BBOF1: variants seen among roughly 807,000 people sequenced by gnomAD.
BBOF1 encodes the protein basal body orientation factor 1, also known as basal body-orientation factor 1.
A neutral mutation model predicts 68.0 loss-of-function variants in BBOF1; 62 were observed. The observed-to-expected ratio is 0.91, with a 90% CI of 0.74 to 1.13. BBOF1 has a LOEUF of 1.13. BBOF1 is among the 50% of genes most tolerant of loss of function. The probability of loss-of-function intolerance (pLI) is 0.00; values close to 1 mark genes in which losing one functional copy is unlikely to be tolerated. For missense variants in BBOF1, 534 were observed against 600.1 expected (o/e 0.89, Z 1.15); for synonymous variants, 208 against 198.8 (o/e 1.05, Z -0.39).
chr14:74,077,840 A>G (rs1595133045), intron 9 of BBOF1, among the ~76,000 whole-genome samples: 1 of 152,216 alleles, frequency 6.6e-6, no homozygotes, highest in African/African-American at 2.4e-5. Flanking sequence ...TTGACACTGC[A>G]TCTGTCTTGT....
rs76405467 is a variant in BBOF1 at position 74,071,681 on chromosome 14, G to A, written n.1380-6515G>A. ...ATTCTCTGAATGGGAAAAATACAGC[G>A]ATATGTATATACCCACTGGAAGATC... On this transcript the variant is annotated intron_variant and non_coding_transcript_variant, in intron 9 of 12. Coordinates refer to the BBOF1 transcript ENST00000492026. The A allele has an allele frequency of 1.6e-3, 2,351 of 1,505,972 alleles. 5 individuals are homozygous for A. Among genetic ancestry groups the A allele is most frequent in the Middle Eastern group, 5.0e-3 (21 of 4,198 alleles). 93.3% of individuals were successfully genotyped at this position (1,505,972 alleles called of 1,614,324 possible).
At chr14:74,063,636 C>G (rs1232889062) in intron 11 of BBOF1, among the ~76,000 whole-genome samples, 1 of 151,624 alleles carries the variant, frequency 6.6e-6, no homozygotes, top group Non-Finnish European at 1.5e-5. Context: ...GAGGCTGAGG[C>G]AGGCGGATCA....
intron 11 of BBOF1, chr14:74,058,735 G>A (rs897086056): frequency 1.3e-5 from 2 of 152,182 alleles, no homozygotes; most frequent in Admixed American, 1.3e-4. Context: ...AATCCATTCT[G>A]TTCAGCACAT....
intron 9 of BBOF1, chr14:74,072,067 C>T: frequency 6.4e-7 from 1 of 1,558,510 alleles, no homozygotes; most frequent in Non-Finnish European, 8.8e-7. Flanking sequence ...GGAGGAGATG[C>T]AGTACAAGGG....
downstream of BBOF1, chr14:74,067,590 C>A (rs2060487893): frequency 6.2e-7 from 1 of 1,613,030 alleles, no homozygotes; most frequent in Non-Finnish European, 8.5e-7. Flanking sequence ...ATGCAGAAAG[C>A]ACATGAGTCT....
intron 4 of BBOF1, 63 bp from the exon 5 acceptor site, chr14:74,040,502 A>C: frequency 6.2e-6 from 6 of 973,174 alleles, no homozygotes; most frequent in Non-Finnish European, 9.3e-6. Context: ...ATTTTCTGAG[A>C]ATGTGCTCAA....
intron 9 of BBOF1, chr14:74,078,186 C>A (rs1340294007): frequency 4.4e-6 from 2 of 455,478 alleles, no homozygotes; most frequent in Non-Finnish European, 4.4e-6. Context: ...CTTTGTTTTT[C>A]TTACTTCAGA....
chr14:74,033,134 A>G, intron 3 of BBOF1, among the ~76,000 whole-genome samples: 1 of 152,186 alleles, frequency 6.6e-6, no homozygotes. Context: ...TATGTCAGAG[A>G]TAAAAGGTGT....
intron 3 of BBOF1, among the ~76,000 whole-genome samples, chr14:74,031,386 T>C (rs2059565590): frequency 6.6e-6 from 1 of 152,134 alleles, no homozygotes; most frequent in Non-Finnish European, 1.5e-5. Context: ...GTGTTGGAAT[T>C]ATAGGTGTAG....
chr14:74,027,385 CTTTTTTTTTT>C (rs35107293), intron 2 of BBOF1, among the ~76,000 whole-genome samples: 6 of 61,100 alleles, frequency 9.8e-5, no homozygotes, highest in East Asian at 4.6e-4. Flanking sequence ...CCTCGCCCAG[CTTTTTTTTTT>C]TTTTTTTTTT....
chr14:74,072,840 C>T (rs1411951657), intron 9 of BBOF1, among the ~76,000 whole-genome samples: 3 of 152,086 alleles, frequency 2.0e-5, no homozygotes, highest in Admixed American at 2.0e-4. Flanking sequence ...TCTTGTCCCC[C>T]AGTCTGGAGC....
rs770794349 is a variant in BBOF1, at chr14:74,049,814, TG to T, written c.906del (p.Met302IlefsTer10). 6.2e-7 allele frequency: 1 copy of T among 1,614,184 alleles called. No homozygotes were observed. The highest frequency in any genetic ancestry group is 8.5e-7 in the Non-Finnish European group (1 of 1,180,026). ...AACTTGGAGACTGCTCTGAGTTACA[TG>T]ACCAAAGAGTTTGAGAGTGAAGTTT... ...VVNLETALSY[M>X]TKEFESEVLK... On this transcript the variant is annotated frameshift_variant, in exon 8 of 12. Transcript: ENST00000394009. LOFTEE classifies it high-confidence loss of function.
intron 6 of BBOF1, 39 bp downstream of exon 6, chr14:74,046,169 C>T (rs760716367): frequency 6.6e-7 from 1 of 1,504,814 alleles, no homozygotes; most frequent in Non-Finnish European, 9.1e-7. Context: ...CTGATTACCT[C>T]TCTTACCTCT....
chr14:74,023,247 A>G, intron 2 of BBOF1, 103 bp downstream of exon 2: 1 of 670,244 alleles, frequency 1.5e-6, no homozygotes, highest in Non-Finnish European at 2.5e-6. Context: ...ATCTTAACAT[A>G]TACTTAAGAC....
At chr14:74,051,939 G>C (rs1384039620) in intron 8 of BBOF1, among the ~76,000 whole-genome samples, 6 of 151,620 alleles carry the variant, frequency 4.0e-5, no homozygotes, top group Non-Finnish European at 8.8e-5. Context: ...TAATTTTATA[G>C]GTTGTTTTGA....
rs551435267 is a variant in BBOF1, at chr14:74,049,917, G to C, written c.1008G>C (p.Gln336His). The change falls in exon 8 of 12, where the codon CAG (glutamine) becomes CAC (histidine). Residue 336 changes from glutamine (Q) to histidine (H), a missense_variant. Transcript: ENST00000394009. ...TTGACAAGCTGCAGCACCTTCTTCA[G>C]ATGAAGGACAGGGAAATGAATCGTG... is the stretch of plus-strand genomic sequence containing the variant. ...VEIDKLQHLL[Q>H]MKDREMNRVK... is the part of the protein sequence containing the mutation. The C allele has an allele frequency of 2.2e-4, 362 of 1,614,178 alleles. 7 individuals are homozygous for C. In the South Asian group the frequency reaches 3.8e-3, roughly 17 times the overall value.
intron 9 of BBOF1, among the ~76,000 whole-genome samples, chr14:74,072,893 G>C (rs1049976406): frequency 6.6e-6 from 1 of 151,228 alleles, no homozygotes; most frequent in Non-Finnish European, 1.5e-5. Flanking sequence ...TCTGATTCCC[G>C]GGTTCGAGCA....
intron 11 of BBOF1, chr14:74,060,276 A>G: frequency 4.3e-6 from 1 of 230,134 alleles, no homozygotes; most frequent in Admixed American, 5.0e-5. Context: ...ATGGAATTAC[A>G]GGCGTGAGCC....
chr14:74,064,869 C>G lies in BBOF1; in HGVS notation c.*170C>G. The G allele has an allele frequency of 6.2e-7, 1 of 1,614,002 alleles. No homozygotes were observed. Among genetic ancestry groups the G allele is most frequent in the Non-Finnish European group, 8.5e-7 (1 of 1,180,016 alleles). ...TCTCCCCTGAAGGAGGATCGAGAGC[C>G]GGTGAATGAGAACATTGGCAAAGGC... On this transcript the variant is annotated 3_prime_UTR_variant, in exon 12 of 12. Coordinates refer to ENST00000394009, the MANE Select transcript of BBOF1 (RefSeq NM_025057.3).
Sources: gnomAD v4.1 joint callset for allele counts (sites outside exome capture counted in the v4.1 genomes callset) on GRCh38, gnomAD v4.1.1 for gene constraint, MANE v1.5 for transcripts, NCBI Gene and HGNC (gene_info 2026-07-23, HGNC 2026-07-21) for gene names.